The following PASK variants were observed in gnomAD, a reference collection of about 807,000 sequenced individuals.
PASK encodes PAS domain containing serine/threonine kinase, also known as PAS domain-containing serine/threonine-protein kinase.
Under a neutral mutation model 121.0 loss-of-function variants are expected in PASK, and 110 were observed. The ratio of observed to expected loss-of-function variants is 0.91; its 90% CI spans 0.78 to 1.06. The LOEUF is 1.06. Among genes scored for constraint, PASK ranks in the 50% least tolerant of loss-of-function variants. PASK has a pLI of 0.00. For missense variants in PASK, 1,643 were observed against 1,702.3 expected, an observed-to-expected ratio of 0.97 and a Z score of 0.61; for synonymous variants, 686 against 717.8, an observed-to-expected ratio of 0.96 and a Z score of 0.71.
In PASK at chr2:241,106,593, G is replaced by A. The variant is rs371946744; in HGVS notation, c.3945C>T (p.Pro1315=). Residue 1315 remains proline (P), a synonymous_variant, in exon 18 of 18, where the codon CCC becomes CCT. Coordinates refer to ENST00000234040, the MANE Select transcript of PASK (RefSeq NM_015148.4). ...AGCTGGTCAGCAGACGGGGATCCCC[G>A]GGATGCAAACAGCCTTGGCCATTAG... ...EAPNGQGCLH[P]GDPRLLTS 285 of 1,614,012 alleles carry A rather than the reference G, an allele frequency of 1.8e-4. No homozygotes were observed. Among genetic ancestry groups the A allele is most frequent in the Non-Finnish European group, 2.1e-4 (243 of 1,179,976 alleles).
At chr2:241,125,508 G>A (rs1236613676) in intron 10 of PASK, among the ~76,000 whole-genome samples, 1 of 150,894 alleles carries the variant, frequency 6.6e-6, no homozygotes, top group Non-Finnish European at 1.5e-5. Context: ...GCTGAGGCAG[G>A]AGAATGGCAT....
intron 12 of PASK, among the ~76,000 whole-genome samples, chr2:241,120,407 C>T (rs1053715591): frequency 7.9e-5 from 12 of 151,882 alleles, no homozygotes; most frequent in African/African-American, 2.2e-4. Context: ...GCAGGAGAAT[C>T]GCTTGAACCT....
chr2:241,119,437 A>G (rs1030646502), intron 12 of PASK, among the ~76,000 whole-genome samples: 30 of 150,086 alleles, frequency 2.0e-4, no homozygotes, highest in Non-Finnish European at 4.1e-4. Context: ...CTCGCTGGGC[A>G]TGTGGCTTCA....
upstream of PASK, chr2:241,149,945 G>A: frequency 7.0e-6 from 10 of 1,427,742 alleles, no homozygotes; most frequent in Non-Finnish European, 9.1e-6. Flanking sequence ...TCAAGAGAAG[G>A]CGGCATTTCG....
rs113578445 is a variant in PASK at position 241,108,962 on chromosome 2, C to T, written c.3534-662G>A. ...CTGTCGCCGTAAACATCCTCATCCACGCTACCATTTATTTCCTGTCACCGT... is the reference window on the plus strand; with the variant it reads ...CTGTCGCCGTAAACATCCTCATCCATGCTACCATTTATTTCCTGTCACCGT... On this transcript the variant is annotated intron_variant, in intron 15 of 17. Transcript: ENST00000234040. This position sits in a 1 kb window ranked among gnomAD's most constrained non-coding sequence, Gnocchi z 5.2. 1.5e-4 allele frequency: 24 copies of T among 156,712 alleles called. No homozygotes were observed. Among genetic ancestry groups the T allele is most frequent in the Admixed American group, 4.9e-4 (8 of 16,324 alleles). 9.7% of individuals were successfully genotyped at this position (156,712 alleles called of 1,614,324 possible). A position where few individuals can be genotyped will look rare whatever the true frequency, so the allele number is the denominator to read the frequency against.
Position 241,135,853 on chromosome 2 carries a change from AG to A in PASK, c.1306+17del, listed in dbSNP as rs1470937059. The A allele has an allele frequency of 6.2e-7, 1 of 1,611,350 alleles. No homozygotes were observed. Among genetic ancestry groups the A allele is most frequent in the Middle Eastern group, 1.7e-4 (1 of 6,048 alleles). On this transcript the variant is annotated intron_variant, in intron 8 of 17. Transcript: ENST00000234040. ...CTCAGCAGCTACAGGCGCATTCAGG[AG>A]GAAGAGGACGTCTTACCCTGGCCCC...
rs2065749606 is a variant in PASK at position 241,124,130 on chromosome 2, A to G, written c.2723T>C (p.Ile908Thr). The G allele has an allele frequency of 6.2e-7, 1 of 1,613,804 alleles. No homozygotes were observed. The highest frequency in any genetic ancestry group is 8.5e-7 in the Non-Finnish European group (1 of 1,179,766). The change falls in exon 11 of 18, where the codon ATA (isoleucine) becomes ACA (threonine). Residue 908 changes from isoleucine (I) to threonine (T), a missense_variant. This residue lies in a region of PASK where 14 missense variants were observed against 28.9 expected (regional missense o/e 0.48). Coordinates refer to ENST00000234040, the MANE Select transcript of PASK (RefSeq NM_015148.4). ...CTCCACCCGCCTCACCTCAAACTGT[A>G]TACCTGAAGGGTGAGAAGGTAAGAA... ...CYHRDGLRLS[I>T]QFEVRRVELQ...
chr2:241,147,671 A>G (rs2067017506), intron 1 of PASK, among the ~76,000 whole-genome samples: 1 of 152,224 alleles, frequency 6.6e-6, no homozygotes, highest in South Asian at 2.1e-4. Flanking sequence ...TATATTGTAA[A>G]TGTTACAGAA....
chr2:241,126,138 C>T (rs994518912), intron 10 of PASK, 58 bp downstream of exon 10: 2 of 1,484,532 alleles, frequency 1.3e-6, no homozygotes, highest in African/African-American at 1.4e-5. Context: ...GGCCCTGCAC[C>T]CCCACTGCAC....
chr2:241,148,124 C>T (rs1192367170), intron 1 of PASK, among the ~76,000 whole-genome samples: 1 of 152,158 alleles, frequency 6.6e-6, no homozygotes, highest in African/African-American at 2.4e-5. Context: ...TCCTTTGTAT[C>T]CACTGTGAGC....
chr2:241,113,814 A>G (rs374830833), intron 14 of PASK: 3 of 985,426 alleles, frequency 3.0e-6, no homozygotes, highest in South Asian at 9.4e-5. Flanking sequence ...CAGCTCCCCG[A>G]CCCCGCTGCT....
intron 11 of PASK, 71 bp from the exon 12 acceptor site, chr2:241,122,970 T>G: frequency 6.8e-7 from 1 of 1,467,868 alleles, no homozygotes; most frequent in Non-Finnish European, 9.4e-7. Flanking sequence ...CCCACAGTGG[T>G]CCCCCTGCGT....
At chr2:241,119,725 C>G (rs1319098475) in intron 12 of PASK, among the ~76,000 whole-genome samples, 8 of 152,172 alleles carry the variant, frequency 5.3e-5, no homozygotes, top group Non-Finnish European at 1.5e-5. Flanking sequence ...CTGCCTTGGC[C>G]TCCCAAAGTG....
Position 241,140,510 on chromosome 2 carries a change from G to T in PASK, c.429+11C>A, listed in dbSNP as rs113782888. The T allele has an allele frequency of 2.4e-4, 383 of 1,567,420 alleles. No homozygotes were observed. In the African/African-American group the frequency reaches 4.6e-3, roughly 19 times the overall value. The stretch of plus-strand genomic sequence containing the variant: ...CATCTACACAGCTGGATCTAAAAGA[G>T]AAGCAAATACCTCTGTGGTCTTGGC... On this transcript the variant is annotated intron_variant, in intron 3 of 17. Coordinates refer to ENST00000234040, the MANE Select transcript of PASK (RefSeq NM_015148.4).
chr2:241,114,904 C>G, intron 14 of PASK, 139 bp downstream of exon 14: 6 of 1,561,370 alleles, frequency 3.8e-6, no homozygotes, highest in Non-Finnish European at 5.2e-6. Context: ...AAATATATAT[C>G]CTACTCCATG....
intron 1 of PASK, among the ~76,000 whole-genome samples, chr2:241,144,836 T>C (rs187859188): frequency 1.2e-3 from 183 of 152,370 alleles, no homozygotes; most frequent in African/African-American, 4.3e-3. Context: ...CTGGCCATAC[T>C]GGCCATCTTT....
intron 12 of PASK, among the ~76,000 whole-genome samples, chr2:241,120,446 T>C (rs531805785): frequency 1.3e-5 from 2 of 150,816 alleles, no homozygotes; most frequent in African/African-American, 2.4e-5. Flanking sequence ...TGAGCCAAGA[T>C]TGTGCCACTG....
In PASK at chr2:241,139,933, C is replaced by T. The variant is rs935094305; in HGVS notation, c.552G>A (p.Glu184=). ...CGTGGCCGTCGGCCTCCATGTGCTC[C>T]TCGCTGAGGGCCTCCACCACATCAG... The part of the protein sequence containing the change: ...SDSDVVEALS[E]EHMEADGHAA... Residue 184 remains glutamate (E), a synonymous_variant, in exon 4 of 18, where the codon GAG becomes GAA. Transcript: ENST00000234040. The T allele has an allele frequency of 6.2e-7, 1 of 1,614,084 alleles. No individual in the cohort carries two copies. Among genetic ancestry groups the T allele is most frequent in the African/African-American group, 1.3e-5 (1 of 74,948 alleles).
intron 15 of PASK, among the ~76,000 whole-genome samples, chr2:241,110,674 G>A (rs912994052): frequency 1.5e-4 from 23 of 152,170 alleles, no homozygotes; most frequent in African/African-American, 5.1e-4. Context: ...CAAGCTTCAC[G>A]GCCTGGGTAC....
Sources: allele counts gnomAD v4.1 joint callset (sites outside exome capture counted in the v4.1 genomes callset), GRCh38; gene constraint gnomAD v4.1.1; regional missense constraint gnomAD v4.1.1; non-coding constraint Gnocchi (gnomAD v3.1); transcripts MANE v1.5; gene names NCBI Gene and HGNC (gene_info 2026-07-23, HGNC 2026-07-21).